Variants in HYCC2 observed in about 807,000 individuals in gnomAD.
HYCC2 encodes hyccin 2.
At chr2:201,007,985 T>C in the HYCC2 span, among the ~76,000 whole-genome samples, 3 of 152,240 alleles carry the variant, frequency 2.0e-5, no homozygotes, top group Non-Finnish European at 4.4e-5. Context: ...AAACCCTTCA[T>C]ATTCTACTAT....
the HYCC2 span, among the ~76,000 whole-genome samples, chr2:201,027,661 T>A: frequency 1.2e-4 from 18 of 152,082 alleles, no homozygotes; most frequent in Middle Eastern, 3.4e-3. Flanking sequence ...TGGTTCAACA[T>A]ACGCAAATCA....
chr2:201,004,229 G>C, the HYCC2 span, among the ~76,000 whole-genome samples: 10 of 152,166 alleles, frequency 6.6e-5, no homozygotes, highest in Non-Finnish European at 1.3e-4. Context: ...AAAAAAACAG[G>C]CATATGGAAA....
chr2:201,034,033 G>C, the HYCC2 span, among the ~76,000 whole-genome samples: 1 of 149,108 alleles, frequency 6.7e-6, no homozygotes, highest in Non-Finnish European at 1.5e-5. Context: ...ATTCCTATTT[G>C]ATCTTTCCTA....
At chr2:201,062,652 C>CAA in the HYCC2 span, among the ~76,000 whole-genome samples, 1 of 81,814 alleles carries the variant, frequency 1.2e-5, no homozygotes, top group African/African-American at 4.6e-5. Flanking sequence ...CTCTGTCTCA[C>CAA]AAAAAAAAAA....
At chr2:201,058,521 A>G in the HYCC2 span, among the ~76,000 whole-genome samples, 4 of 152,354 alleles carry the variant, frequency 2.6e-5, no homozygotes, top group East Asian at 3.9e-4. Flanking sequence ...CCTGGCCAAC[A>G]TGGTGAAACC....
chr2:200,988,681 ACT>A, the HYCC2 span, among the ~76,000 whole-genome samples: 7 of 152,256 alleles, frequency 4.6e-5, no homozygotes, highest in African/African-American at 1.7e-4. Flanking sequence ...TAACATATAA[ACT>A]CTGATTATGA....
the HYCC2 span, chr2:200,988,501 G>T: frequency 7.9e-6 from 8 of 1,008,048 alleles, no homozygotes; most frequent in Middle Eastern, 4.3e-4. Context: ...CATAATTTTC[G>T]AATATGTATT....
At chr2:200,994,967 C>A in the HYCC2 span, among the ~76,000 whole-genome samples, 3 of 148,918 alleles carry the variant, frequency 2.0e-5, no homozygotes, top group South Asian at 6.3e-4. Flanking sequence ...ATGATTGTGC[C>A]ACTGCATTCT....
the HYCC2 span, among the ~76,000 whole-genome samples, chr2:200,998,086 A>G: frequency 6.6e-6 from 1 of 152,194 alleles, no homozygotes; most frequent in Non-Finnish European, 1.5e-5. Context: ...CTCCCCTATG[A>G]ATAAGTCTAC....
chr2:201,027,171 G>T, the HYCC2 span, among the ~76,000 whole-genome samples: 1 of 152,154 alleles, frequency 6.6e-6, no homozygotes, highest in African/African-American at 2.4e-5. Flanking sequence ...TACCATCAGA[G>T]AATACTATAA....
chr2:201,044,607 G>A, the HYCC2 span, among the ~76,000 whole-genome samples: 4 of 152,092 alleles, frequency 2.6e-5, no homozygotes, highest in Admixed American at 1.3e-4. Context: ...AATGCATGTC[G>A]CTATGACAAA....
At chr2:201,001,448 C>A in the HYCC2 span, among the ~76,000 whole-genome samples, 285 of 152,206 alleles carry the variant, frequency 1.9e-3, 3 homozygotes, top group African/African-American at 6.7e-3. Flanking sequence ...AATGTCCATC[C>A]ACTGATGAAT....
At chr2:201,024,010 T>C in the HYCC2 span, 1 of 1,612,776 alleles carries the variant, frequency 6.2e-7, no homozygotes. Flanking sequence ...TTCCCAGCAT[T>C]TTCTTTTACC....
the HYCC2 span, among the ~76,000 whole-genome samples, chr2:201,013,699 C>T: frequency 2.6e-5 from 4 of 152,180 alleles, no homozygotes; most frequent in East Asian, 5.8e-4. Context: ...GGTCCCACCA[C>T]ATCTGGGCCA....
chr2:201,065,671 A>G, the HYCC2 span, among the ~76,000 whole-genome samples: 1 of 152,258 alleles, frequency 6.6e-6, no homozygotes, highest in African/African-American at 2.4e-5. Context: ...GATGAAGCGT[A>G]AGGGTTAAAG....
At chr2:201,068,405 C>G in the HYCC2 span, among the ~76,000 whole-genome samples, 1 of 152,144 alleles carries the variant, frequency 6.6e-6, no homozygotes, top group Non-Finnish European at 1.5e-5. Flanking sequence ...GCTGAAACTA[C>G]TGTTACTGCT....
At chr2:201,071,475 G>A in the HYCC2 span, 1 of 152,424 alleles carries the variant, frequency 6.6e-6, no homozygotes, top group Non-Finnish European at 1.5e-5. Context: ...GAGGTTCCGG[G>A]ACCACCAACA....
At chr2:201,023,916 G>A in the HYCC2 span, 634 of 1,427,150 alleles carry the variant, frequency 4.4e-4, 3 homozygotes, top group African/African-American at 7.6e-3. Flanking sequence ...AATTACTGAT[G>A]TATAGAAAAA....
chr2:201,069,575 CACACACACACACACGCATAAAAGCA>C, the HYCC2 span, among the ~76,000 whole-genome samples: 1 of 146,048 alleles, frequency 6.8e-6, no homozygotes, highest in African/African-American at 2.5e-5. Flanking sequence ...CACACACACA[CACACACACACACACGCATAAAAGCA>C]ACACACACAC....
Sources: allele counts gnomAD v4.1 joint callset (sites outside exome capture counted in the v4.1 genomes callset), GRCh38; gene constraint gnomAD v4.1.1; transcripts MANE v1.5; gene names NCBI Gene and HGNC (gene_info 2026-07-23, HGNC 2026-07-21).